Variants in C10orf90 observed in about 807,000 individuals in gnomAD.
The protein encoded by C10orf90 is chromosome 10 open reading frame 90.
C10orf90 carries 56 observed loss-of-function variants against 62.5 expected under a neutral mutation model. That is an observed-to-expected ratio of 0.90 (90% CI 0.72 to 1.12). The LOEUF is 1.12. Ranked by LOEUF, C10orf90 falls within the 50% of genes most tolerant of loss-of-function variation. C10orf90 has a pLI of 0.00. For synonymous variants in C10orf90, 386 were observed against 340.4 expected (o/e 1.13, Z -1.47); for missense variants, 970 against 880.4 (o/e 1.10, Z -1.29).
chr10:126,524,445 G>T (rs1022075575), intron 2 of C10orf90: 18 of 186,020 alleles, frequency 9.7e-5, no homozygotes, highest in Non-Finnish European at 1.4e-4. Context: ...AGGTCAGGGA[G>T]AACTGAGGCC....
intron 4 of C10orf90, chr10:126,496,835 T>G: frequency 2.4e-6 from 1 of 425,484 alleles, no homozygotes; most frequent in Non-Finnish European, 3.1e-6. Flanking sequence ...AGCCCACAGG[T>G]CGAGGGCACC....
At chr10:126,439,181 C>A (rs1307655925) in intron 7 of C10orf90, among the ~76,000 whole-genome samples, 1 of 152,200 alleles carries the variant, frequency 6.6e-6, no homozygotes, top group Non-Finnish European at 1.5e-5. Context: ...ACATCCACAG[C>A]CTTGGCCACT....
chr10:126,619,599 G>C (rs1448788714), intron 2 of C10orf90, among the ~76,000 whole-genome samples: 1 of 152,134 alleles, frequency 6.6e-6, no homozygotes, highest in Non-Finnish European at 1.5e-5. Context: ...ATCTGTTCAA[G>C]TGTTTGGCAC....
At chr10:126,546,458 GGT>G (rs897149187) in intron 2 of C10orf90, among the ~76,000 whole-genome samples, 4 of 152,170 alleles carry the variant, frequency 2.6e-5, no homozygotes, top group Non-Finnish European at 5.9e-5. Flanking sequence ...CCACCAGGAT[GGT>G]GCCAGAGGAG....
At chr10:126,467,156 G>T (rs1475175409) in intron 4 of C10orf90, among the ~76,000 whole-genome samples, 2 of 152,094 alleles carry the variant, frequency 1.3e-5, no homozygotes, top group Non-Finnish European at 2.9e-5. Context: ...TCTATCTCTG[G>T]TTTATTGTAA....
At chr10:126,450,359 A>G (rs1464092932) in intron 7 of C10orf90, among the ~76,000 whole-genome samples, 5 of 152,218 alleles carry the variant, frequency 3.3e-5, no homozygotes, top group Non-Finnish European at 5.9e-5. Flanking sequence ...TAAAATTCAT[A>G]TGAATCTGCA....
intron 2 of C10orf90, chr10:126,522,735 C>T (rs966239291): frequency 6.6e-6 from 1 of 152,188 alleles, no homozygotes; most frequent in Non-Finnish European, 1.5e-5. Flanking sequence ...GGTGTCACCC[C>T]TCCAGTAAGA....
At chr10:126,653,147 A>G (rs1846323990) in intron 1 of C10orf90, among the ~76,000 whole-genome samples, 1 of 152,190 alleles carries the variant, frequency 6.6e-6, no homozygotes, top group Non-Finnish European at 1.5e-5. Flanking sequence ...GACAGCTGCC[A>G]GCTGATCAGG....
chr10:126,547,549 C>T (rs991923588), intron 2 of C10orf90, among the ~76,000 whole-genome samples: 6 of 142,666 alleles, frequency 4.2e-5, no homozygotes, highest in Admixed American at 2.1e-4. Flanking sequence ...ACAAACACAC[C>T]GGACTTATCT....
chr10:126,631,389 T>C (rs1845847357), intron 2 of C10orf90, among the ~76,000 whole-genome samples: 1 of 152,152 alleles, frequency 6.6e-6, no homozygotes, highest in Non-Finnish European at 1.5e-5. Flanking sequence ...CTTCCTCTCC[T>C]GGAGACAGCT....
At chr10:126,618,365 T>A (rs950756095) in intron 2 of C10orf90, among the ~76,000 whole-genome samples, 6 of 152,212 alleles carry the variant, frequency 3.9e-5, no homozygotes, top group African/African-American at 1.4e-4. Flanking sequence ...ACCATTGGTG[T>A]AGGACACTGT....
At chr10:126,440,441 G>C (rs1564793179) in intron 7 of C10orf90, among the ~76,000 whole-genome samples, 1 of 152,108 alleles carries the variant, frequency 6.6e-6, no homozygotes, top group Non-Finnish European at 1.5e-5. Context: ...CCAGCTGATG[G>C]TCCTTCCCTA....
intron 2 of C10orf90, among the ~76,000 whole-genome samples, chr10:126,630,792 G>A (rs1464198544): frequency 6.6e-6 from 1 of 152,182 alleles, no homozygotes; most frequent in Non-Finnish European, 1.5e-5. Context: ...GAAGTGAAAT[G>A]TGACATCATC....
At position 126,571,556 on chromosome 10, in the gene C10orf90, C is replaced by T. The variant is rs73378961; in HGVS notation, c.314-57617G>A. ...AGGCGGCACATGAATAATGAATATA[C>T]TCTCACCTTCCATCATTAGCATTCC... On this transcript the variant is annotated intron_variant, in intron 2 of 9. Transcript: ENST00000488181. Among the ~76,000 whole-genome samples the T allele has an allele frequency of 6.0e-3, 910 of 152,324 alleles. 8 individuals are homozygous for T. The highest frequency in any genetic ancestry group is 0.021 in the African/African-American group (864 of 41,570).
At chr10:126,495,039 G>T (rs925100999) in intron 4 of C10orf90, among the ~76,000 whole-genome samples, 1 of 152,204 alleles carries the variant, frequency 6.6e-6, no homozygotes, top group African/African-American at 2.4e-5. Context: ...TATTTTTCAT[G>T]TTGCTATCAG....
At chr10:126,617,512 C>A (rs1417786535) in intron 2 of C10orf90, among the ~76,000 whole-genome samples, 1 of 152,234 alleles carries the variant, frequency 6.6e-6, no homozygotes, top group Non-Finnish European at 1.5e-5. Context: ...GCTTCTCTCA[C>A]ACAGATTCAA....
rs1485679223 is a variant in C10orf90 at position 126,670,261 on chromosome 10, G to A, written c.220C>T (p.Gln74Ter). ...HMCQGLKTAE[Q>*]TASRYEIHSR... is the part of the protein sequence containing the mutation. The stretch of plus-strand genomic sequence containing the variant: ...CATACCTCATATCTGCTGGCTGTCT[G>A]CTCAGCCGTCTTCAAGCCTTGACAC... The change falls in exon 1 of 10, where the codon CAG (glutamine) becomes TAG (stop). Residue 74 changes from glutamine to a stop codon, truncating the protein, a stop_gained. Coordinates refer to ENST00000488181, the MANE Select transcript of C10orf90 (RefSeq NM_001350921.2). LOFTEE classifies it high-confidence loss of function. The A allele has an allele frequency of 2.2e-6, 1 of 456,632 alleles. No homozygotes were observed. Among genetic ancestry groups the A allele is most frequent in the Admixed American group, 2.3e-5 (1 of 42,578 alleles). 28.3% of individuals were successfully genotyped at this position (456,632 alleles called of 1,614,324 possible). A position where few individuals can be genotyped will look rare whatever the true frequency, so the allele number is the denominator to read the frequency against.
rs146142997 is a variant in C10orf90, at chr10:126,503,592, T to A, written c.1534+365A>T. On this transcript the variant is annotated intron_variant, in intron 4 of 9. Coordinates refer to ENST00000488181, the MANE Select transcript of C10orf90 (RefSeq NM_001350921.2). Reference sequence around the variant, plus strand: ...ACACGCAGATGTTTGGCGAGAGAGATGAAACATCTGGGGGCGAATGGCATT... The same window carrying A: ...ACACGCAGATGTTTGGCGAGAGAGAAGAAACATCTGGGGGCGAATGGCATT... Among the ~76,000 whole-genome samples the A allele has an allele frequency of 6.4e-4, 97 of 152,210 alleles. 1 individual carries two copies. The highest frequency in any genetic ancestry group is 2.3e-3 in the African/African-American group (95 of 41,522).
intron 3 of C10orf90, among the ~76,000 whole-genome samples, chr10:126,505,711 T>C (rs925896234): frequency 1.3e-5 from 2 of 151,998 alleles, no homozygotes; most frequent in African/African-American, 4.8e-5. Flanking sequence ...TCCCAGCACT[T>C]TGGGAGGCTG....
Sources: allele counts gnomAD v4.1 joint callset (sites outside exome capture counted in the v4.1 genomes callset), GRCh38; gene constraint gnomAD v4.1.1; transcripts MANE v1.5; gene names NCBI Gene and HGNC (gene_info 2026-07-23, HGNC 2026-07-21).